SH2D4B: variants seen among roughly 807,000 people sequenced by gnomAD.
SH2D4B encodes the protein SH2 domain-containing protein 4B.
A neutral mutation model predicts 61.5 loss-of-function variants in SH2D4B; 45 were observed. The ratio of observed to expected loss-of-function variants is 0.73; its 90% CI spans 0.58 to 0.94. The LOEUF (loss-of-function observed/expected upper bound fraction) is 0.94. SH2D4B is among the 40% of genes least tolerant of loss of function. The pLI is 0.00. For missense variants in SH2D4B, 572 were observed against 574.2 expected (o/e 1.00, Z 0.04); for synonymous variants, 224 against 220.4 (o/e 1.02, Z -0.14).
intron 3 of SH2D4B, among the ~76,000 whole-genome samples, chr10:80,573,188 G>C (rs1589340561): frequency 1.4e-5 from 2 of 143,876 alleles, no homozygotes; most frequent in Admixed American, 1.4e-4. Context: ...ACGGGGTTTT[G>C]TGTTAGCCAG....
intron 1 of SH2D4B, among the ~76,000 whole-genome samples, chr10:80,567,633 G>A (rs758393758): frequency 2.6e-5 from 4 of 152,222 alleles, no homozygotes; most frequent in Non-Finnish European, 5.9e-5. Flanking sequence ...AGTGGAGAAC[G>A]TGAGAGCCAC....
chr10:80,545,886 G>A (rs1841671922), intron 1 of SH2D4B, among the ~76,000 whole-genome samples: 2 of 152,130 alleles, frequency 1.3e-5, no homozygotes, highest in Non-Finnish European at 2.9e-5. Flanking sequence ...ATATATGTGT[G>A]CTTTGGGATT....
At chr10:80,617,211 G>C (rs1202036632) in intron 6 of SH2D4B, among the ~76,000 whole-genome samples, 1 of 152,212 alleles carries the variant, frequency 6.6e-6, no homozygotes, top group African/African-American at 2.4e-5. Flanking sequence ...TTCTAGGCCA[G>C]GTGGTCTCCT....
intron 3 of SH2D4B, among the ~76,000 whole-genome samples, chr10:80,578,737 A>G (rs1389322648): frequency 1.3e-5 from 2 of 152,206 alleles, no homozygotes; most frequent in Non-Finnish European, 2.9e-5. Context: ...TAGGAGCACC[A>G]CTGATGGCAA....
chr10:80,606,994 A>G (rs1444135685), intron 5 of SH2D4B, among the ~76,000 whole-genome samples: 1 of 152,230 alleles, frequency 6.6e-6, no homozygotes, highest in Non-Finnish European at 1.5e-5. Context: ...GGTTTATAAC[A>G]AGGGAAAATG....
intron 1 of SH2D4B, among the ~76,000 whole-genome samples, chr10:80,559,963 G>A (rs1193031208): frequency 6.8e-6 from 1 of 146,692 alleles, no homozygotes; most frequent in Non-Finnish European, 1.5e-5. Flanking sequence ...TTGCTATATA[G>A]TACTGTATTT....
At position 80,538,463 on chromosome 10, in the gene SH2D4B, T is replaced by A; in HGVS notation, c.132T>A (p.Thr44=). ...EQLRRWKERE[T]WEALAQDEGL... is the part of the protein sequence containing the mutation. ...TGAGGCGCTGGAAGGAGCGGGAGAC[T>A]TGGGAGGCCCTGGCCCAGGACGAGG... The change falls in exon 1 of 8, where the codon ACT becomes ACA. Residue 44 remains threonine (T), a synonymous_variant. Coordinates refer to ENST00000646907, the MANE Select transcript of SH2D4B (RefSeq NM_001388272.1). This position sits in a 1 kb window ranked among gnomAD's most constrained non-coding sequence, Gnocchi z 4.8. The A allele has an allele frequency of 6.8e-7, 1 of 1,476,434 alleles. No homozygotes were observed. The highest frequency in any genetic ancestry group is 9.0e-7 in the Non-Finnish European group (1 of 1,112,530). The allele number at this position is 1,476,434 out of a possible 1,614,324, so 91.5% of individuals were successfully genotyped here.
chr10:80,547,104 G>A (rs942930311), intron 1 of SH2D4B, among the ~76,000 whole-genome samples: 3 of 152,128 alleles, frequency 2.0e-5, no homozygotes, highest in South Asian at 4.1e-4. Flanking sequence ...ACTCCACTTT[G>A]TCTGGTTTCA....
intron 7 of SH2D4B, among the ~76,000 whole-genome samples, chr10:80,636,906 GT>G (rs1225943176): frequency 6.6e-6 from 1 of 152,156 alleles, no homozygotes; most frequent in East Asian, 1.9e-4. Flanking sequence ...TTCTTCTAGG[GT>G]TTTTATGGTT....
Position 80,644,623 on chromosome 10 carries a change from A to G in SH2D4B, c.*538A>G, listed in dbSNP as rs1353047228. Reference sequence around the variant, plus strand: ...TGCTGCATCTTTCATAATCTCCATTATCACCCTCATTGATATTATCATTGG... The same window carrying G: ...TGCTGCATCTTTCATAATCTCCATTGTCACCCTCATTGATATTATCATTGG... On this transcript the variant is annotated 3_prime_UTR_variant, in exon 8 of 8. Coordinates refer to ENST00000646907, the MANE Select transcript of SH2D4B (RefSeq NM_001388272.1). 6.6e-6 allele frequency: 1 copy of G among 152,314 alleles called. No homozygotes were observed. The allele number at this position is 152,314 out of a possible 1,614,324, so 9.4% of individuals were successfully genotyped here. A position where few individuals can be genotyped will look rare whatever the true frequency, so the allele number is the denominator to read the frequency against.
intron 1 of SH2D4B, among the ~76,000 whole-genome samples, chr10:80,552,984 TG>T (rs1439058150): frequency 6.6e-6 from 1 of 152,070 alleles, no homozygotes; most frequent in African/African-American, 2.4e-5. Flanking sequence ...GGCACGATCT[TG>T]GCTCACTGCA....
intron 6 of SH2D4B, among the ~76,000 whole-genome samples, chr10:80,624,604 A>G (rs1842751220): frequency 1.3e-5 from 2 of 152,248 alleles, no homozygotes; most frequent in African/African-American, 2.4e-5. Context: ...GCTACATGTT[A>G]GAATCAACTG....
At chr10:80,591,477 A>G (rs1842325717) in intron 4 of SH2D4B, among the ~76,000 whole-genome samples, 2 of 146,562 alleles carry the variant, frequency 1.4e-5, no homozygotes, top group South Asian at 4.5e-4. Context: ...TCACATGGAG[A>G]TGGAAGGTAC....
At position 80,634,565 on chromosome 10, in the gene SH2D4B, G is replaced by A. The variant is rs2132162355; in HGVS notation, c.1209+60G>A. On this transcript the variant is annotated intron_variant, in intron 7 of 7. Coordinates refer to ENST00000646907, the MANE Select transcript of SH2D4B (RefSeq NM_001388272.1). ...GGAACTGGTGGAAATTGGAGCTGAA[G>A]AGAGAGCTAGAGCAAGAGAAGCAAG... The A allele has an allele frequency of 3.3e-6, 5 of 1,531,900 alleles. No individual in the cohort carries two copies. In the South Asian group the frequency reaches 5.0e-5, roughly 15 times the overall value. The allele number at this position is 1,531,900 out of a possible 1,614,324, so 94.9% of individuals were successfully genotyped here. A position where few individuals can be genotyped will look rare whatever the true frequency, so the allele number is the denominator to read the frequency against.
chr10:80,555,949 T>C (rs1350631411), intron 1 of SH2D4B, among the ~76,000 whole-genome samples: 1 of 152,212 alleles, frequency 6.6e-6, no homozygotes, highest in African/African-American at 2.4e-5. Context: ...ACCTTGCAGC[T>C]GGGTTGTGAA....
chr10:80,549,182 G>A (rs987947991), intron 1 of SH2D4B, among the ~76,000 whole-genome samples: 14 of 66,562 alleles, frequency 2.1e-4, no homozygotes, highest in African/African-American at 7.3e-4. Flanking sequence ...AGGGATCTCC[G>A]AGAGCTGTGA....
chr10:80,615,384 T>C (rs950767674), intron 6 of SH2D4B, among the ~76,000 whole-genome samples: 1 of 152,222 alleles, frequency 6.6e-6, no homozygotes, highest in African/African-American at 2.4e-5. Flanking sequence ...CCTATTCCAT[T>C]CTGGCTGTCT....
intron 1 of SH2D4B, among the ~76,000 whole-genome samples, chr10:80,553,389 G>A (rs906614176): frequency 6.6e-6 from 1 of 152,232 alleles, no homozygotes; most frequent in Non-Finnish European, 1.5e-5. Flanking sequence ...TTTGATCCCA[G>A]AGATTTTAAG....
intron 1 of SH2D4B, among the ~76,000 whole-genome samples, chr10:80,548,369 G>A (rs1841709005): frequency 6.6e-6 from 1 of 152,132 alleles, no homozygotes; most frequent in Admixed American, 6.6e-5. Flanking sequence ...TCACTATGTT[G>A]CCCAGGCTGG....
Sources: allele counts gnomAD v4.1 joint callset (sites outside exome capture counted in the v4.1 genomes callset), GRCh38; gene constraint gnomAD v4.1.1; non-coding constraint Gnocchi (gnomAD v3.1); transcripts MANE v1.5; gene names NCBI Gene and HGNC (gene_info 2026-07-23, HGNC 2026-07-21).